The following SLX4IP variants were observed in gnomAD, a reference collection of about 807,000 sequenced individuals.
SLX4IP encodes protein SLX4IP.
A neutral mutation model predicts 32.9 loss-of-function variants in SLX4IP; 34 were observed. The ratio of observed to expected loss-of-function variants is 1.03; its 90% CI spans 0.79 to 1.38. The LOEUF is 1.38. Among genes scored for constraint, SLX4IP ranks in the 40% most tolerant of loss-of-function variants. The pLI, the probability that SLX4IP is intolerant of heterozygous loss-of-function variation, is 0.00. For missense variants in SLX4IP, 444 were observed against 479.0 expected, an observed-to-expected ratio of 0.93 and a Z score of 0.68; for synonymous variants, 172 against 171.7, an observed-to-expected ratio of 1.00 and a Z score of -0.01.
At chr20:10,492,911 A>G (rs1029526473) in intron 2 of SLX4IP, among the ~76,000 whole-genome samples, 1 of 151,972 alleles carries the variant, frequency 6.6e-6, no homozygotes, top group African/African-American at 2.4e-5. Flanking sequence ...TTATGTACAC[A>G]TTATCATTTG....
Position 10,556,322 on chromosome 20 carries a change from T to C in SLX4IP, c.117+2T>C. 1 of 1,612,078 alleles carries C rather than the reference T, an allele frequency of 6.2e-7. No homozygotes were observed. The highest frequency in any genetic ancestry group is 8.5e-7 in the Non-Finnish European group (1 of 1,179,386). ...TGGTTTTCTGAACAGAAGAAAGAGG[T>C]ACAACAAAACTTTCTACTATTTAAT... On this transcript the variant is annotated splice_donor_variant, in intron 3 of 7. Transcript: ENST00000334534. LOFTEE classifies it high-confidence loss of function.
At chr20:10,458,878 G>A (rs1288904669) in intron 2 of SLX4IP, among the ~76,000 whole-genome samples, 4 of 152,078 alleles carry the variant, frequency 2.6e-5, no homozygotes, top group African/African-American at 4.8e-5. Flanking sequence ...GTATATACCC[G>A]GTAATGGGAT....
chr20:10,509,273 G>A (rs1483728520), intron 2 of SLX4IP, among the ~76,000 whole-genome samples: 1 of 152,202 alleles, frequency 6.6e-6, no homozygotes, highest in Non-Finnish European at 1.5e-5. Flanking sequence ...TATAAAGATA[G>A]TGGGGAACAT....
rs1243598953 is a variant in SLX4IP, at chr20:10,571,960, C to T, written c.238+11140C>T. On this transcript the variant is annotated intron_variant, in intron 4 of 7. Coordinates refer to ENST00000334534, the MANE Select transcript of SLX4IP (RefSeq NM_001009608.3). The stretch of plus-strand genomic sequence containing the variant: ...CTGCAACATCTTCTGACTCCAGGGA[C>T]AGGAAATACCTTCCCTTCAGCCCCA... Among the ~76,000 whole-genome samples, 3 of 152,146 alleles carry T rather than the reference C, an allele frequency of 2.0e-5. No individual in the cohort carries two copies. The East Asian group carries it at 5.8e-4, about 29-fold the overall frequency.
intron 2 of SLX4IP, among the ~76,000 whole-genome samples, chr20:10,498,934 A>T (rs2065693254): frequency 6.6e-6 from 1 of 152,130 alleles, no homozygotes; most frequent in African/African-American, 2.4e-5. Flanking sequence ...TAGGAAAAAT[A>T]ACATAAAGCA....
rs187831821 is a variant in SLX4IP, at chr20:10,565,433, G to A, written c.238+4613G>A. 1.5e-3 allele frequency among the ~76,000 whole-genome samples: 225 copies of A among 152,246 alleles called. 1 individual carries two copies. The highest frequency in any genetic ancestry group is 5.0e-3 in the African/African-American group (209 of 41,542). On this transcript the variant is annotated intron_variant, in intron 4 of 7. Coordinates refer to ENST00000334534, the MANE Select transcript of SLX4IP (RefSeq NM_001009608.3). ...TGCTCCCTGTGATGCTTAGGACCAC[G>A]TATCAGAAGCTTTGCCGAGCCTCAT...
At chr20:10,505,447 G>A (rs1210920077) in intron 2 of SLX4IP, among the ~76,000 whole-genome samples, 2 of 152,204 alleles carry the variant, frequency 1.3e-5, no homozygotes, top group African/African-American at 2.4e-5. Flanking sequence ...AGACATAGGA[G>A]ACAGGGCATG....
intron 4 of SLX4IP, among the ~76,000 whole-genome samples, chr20:10,598,026 T>G (rs912425309): frequency 1.3e-5 from 2 of 152,232 alleles, no homozygotes; most frequent in African/African-American, 4.8e-5. Flanking sequence ...CTTCTTTTTA[T>G]GAGCTAATAA....
intron 2 of SLX4IP, among the ~76,000 whole-genome samples, chr20:10,511,264 A>G (rs2065806123): frequency 6.6e-6 from 1 of 152,180 alleles, no homozygotes; most frequent in African/African-American, 2.4e-5. Context: ...GCGTTCCCAA[A>G]GCTTTCTTCA....
At chr20:10,620,172 A>G (rs1305710792) in intron 6 of SLX4IP, among the ~76,000 whole-genome samples, 3 of 152,154 alleles carry the variant, frequency 2.0e-5, no homozygotes, top group Non-Finnish European at 4.4e-5. Context: ...ACAACTTACT[A>G]AAGCTGTTTC....
At chr20:10,576,916 G>A (rs1238851583) in intron 4 of SLX4IP, among the ~76,000 whole-genome samples, 1 of 152,066 alleles carries the variant, frequency 6.6e-6, no homozygotes, top group African/African-American at 2.4e-5. Context: ...GACCCCCCTA[G>A]CTGTCTGGTT....
chr20:10,548,598 T>A (rs534962349), intron 2 of SLX4IP, among the ~76,000 whole-genome samples: 1 of 152,302 alleles, frequency 6.6e-6, no homozygotes, highest in East Asian at 1.9e-4. Context: ...ATTCTGTTAC[T>A]GAGATTATGG....
chr20:10,518,215 G>C (rs910566758), intron 2 of SLX4IP, among the ~76,000 whole-genome samples: 1 of 152,200 alleles, frequency 6.6e-6, no homozygotes, highest in African/African-American at 2.4e-5. Context: ...TTAATGTTCT[G>C]TTAGGAAGAT....
At chr20:10,476,892 A>G (rs1373043562) in intron 2 of SLX4IP, among the ~76,000 whole-genome samples, 1 of 152,248 alleles carries the variant, frequency 6.6e-6, no homozygotes, top group Admixed American at 6.5e-5. Context: ...CTAGTATTCA[A>G]ACTAAATGTG....
chr20:10,489,692 G>A (rs1207064058), intron 2 of SLX4IP, among the ~76,000 whole-genome samples: 8 of 152,156 alleles, frequency 5.3e-5, no homozygotes, highest in Non-Finnish European at 1.0e-4. Context: ...AATTTAGAAG[G>A]GGAGTGGGAT....
At position 10,583,394 on chromosome 20, in the gene SLX4IP, GCACTC is replaced by G. The variant is rs1315421993; in HGVS notation, c.239-15280_239-15276del. ...AACAAGGTTGGTGTACACATTCATT[GCACTC>G]GGTTGATTATCTTTATCATAGAAGA... On this transcript the variant is annotated intron_variant, in intron 4 of 7. Coordinates refer to ENST00000334534, the MANE Select transcript of SLX4IP (RefSeq NM_001009608.3). 2.6e-5 allele frequency among the ~76,000 whole-genome samples: 4 copies of G among 152,248 alleles called. No individual in the cohort carries two copies. The East Asian group carries it at 7.7e-4, about 29-fold the overall frequency.
intron 2 of SLX4IP, among the ~76,000 whole-genome samples, chr20:10,492,725 G>T (rs548920864): frequency 1.8e-4 from 27 of 152,142 alleles, no homozygotes; most frequent in African/African-American, 6.5e-4. Flanking sequence ...CAACCAAAAT[G>T]TATCTAATAT....
At chr20:10,474,792 G>A (rs2065460523) in intron 2 of SLX4IP, among the ~76,000 whole-genome samples, 1 of 152,214 alleles carries the variant, frequency 6.6e-6, no homozygotes, top group Non-Finnish European at 1.5e-5. Context: ...GAGGTGTTGG[G>A]GGTGTTCCCT....
chr20:10,522,529 T>C (rs923556661), intron 2 of SLX4IP, among the ~76,000 whole-genome samples: 64 of 152,158 alleles, frequency 4.2e-4, no homozygotes, highest in Admixed American at 3.9e-4. Flanking sequence ...AGGAGACACA[T>C]GGCTCCCGGT....
Sources: allele counts gnomAD v4.1 joint callset (sites outside exome capture counted in the v4.1 genomes callset), GRCh38; gene constraint gnomAD v4.1.1; transcripts MANE v1.5; gene names NCBI Gene and HGNC (gene_info 2026-07-23, HGNC 2026-07-21).